Variants in PDZRN4 observed in about 807,000 individuals in gnomAD.
PDZRN4 encodes the protein PDZ domain-containing RING finger protein 4.
In PDZRN4, 70 loss-of-function variants were observed where a neutral mutation model predicts 99.0. The observed-to-expected ratio is 0.71, with a 90% CI of 0.58 to 0.86. PDZRN4 has a LOEUF of 0.86. Ranked by LOEUF, PDZRN4 falls within the 40% of genes least tolerant of loss-of-function variation. PDZRN4 has a pLI of 0.00. For synonymous variants in PDZRN4, 551 were observed against 501.6 expected (o/e 1.10, Z -1.32); for missense variants, 1,474 against 1,331.2 (o/e 1.11, Z -1.67).
At chr12:41,469,798 C>T (rs1014108516) in intron 3 of PDZRN4, among the ~76,000 whole-genome samples, 60 of 151,994 alleles carry the variant, frequency 3.9e-4, no homozygotes, top group Admixed American at 3.7e-3. Flanking sequence ...GGCGTGGTGG[C>T]GGGCACCTGT....
intron 3 of PDZRN4, among the ~76,000 whole-genome samples, chr12:41,246,987 G>A (rs1951137584): frequency 6.6e-6 from 1 of 151,878 alleles, no homozygotes; most frequent in African/African-American, 2.4e-5. Context: ...GAATTTCTAT[G>A]TCATTCATCC....
At position 41,573,850 on chromosome 12, in the gene PDZRN4, C is replaced by G; in HGVS notation, c.3071C>G (p.Thr1024Arg). ...MTHGAKSPDG[T>R]RVHNAFLSVT... is the part of the protein sequence containing the mutation. The stretch of plus-strand genomic sequence containing the variant: ...CATGGGGCCAAGTCTCCAGATGGCA[C>G]GAGAGTCCATAATGCCTTCTTGTCG... The change falls in exon 10 of 10, where the codon ACG (threonine) becomes AGG (arginine). Residue 1024 changes from threonine (T) to arginine (R), a missense_variant. Coordinates refer to ENST00000402685, the MANE Select transcript of PDZRN4 (RefSeq NM_001164595.2). 1 of 1,593,638 alleles carries G rather than the reference C, an allele frequency of 6.3e-7. No individual in the cohort carries two copies. The highest frequency in any genetic ancestry group is 8.5e-7 in the Non-Finnish European group (1 of 1,171,902).
At chr12:41,410,152 C>T (rs1386467006) in intron 3 of PDZRN4, among the ~76,000 whole-genome samples, 3 of 152,108 alleles carry the variant, frequency 2.0e-5, no homozygotes, top group Non-Finnish European at 4.4e-5. Context: ...GAAAATGAAA[C>T]ATTTTAAAAA....
chr12:41,408,773 T>C (rs1299354356), intron 3 of PDZRN4, among the ~76,000 whole-genome samples: 1 of 151,782 alleles, frequency 6.6e-6, no homozygotes, highest in African/African-American at 2.4e-5. Context: ...TCTCTCTCTC[T>C]CTCTCTGTCT....
intron 3 of PDZRN4, among the ~76,000 whole-genome samples, chr12:41,336,213 G>A (rs1386417855): frequency 6.6e-6 from 1 of 152,052 alleles, no homozygotes; most frequent in Non-Finnish European, 1.5e-5. Flanking sequence ...ATTCATCCTG[G>A]CATATGTGAT....
chr12:41,537,454 T>C (rs1296354655), intron 5 of PDZRN4, among the ~76,000 whole-genome samples: 2 of 152,136 alleles, frequency 1.3e-5, no homozygotes, highest in Non-Finnish European at 2.9e-5. Flanking sequence ...CATACATTTT[T>C]TGTGAGGAGG....
rs564484729 is a variant in PDZRN4, at chr12:41,334,217, A to G, written c.843+140029A>G. Among the ~76,000 whole-genome samples, 17 of 152,184 alleles carry G rather than the reference A, an allele frequency of 1.1e-4. No homozygotes were observed. In the South Asian group the frequency reaches 2.9e-3, roughly 26 times the overall value. ...CTCACACCAGTCTGAGTCCCTCAGA[A>G]CAGAATTTTTCACAGACCTTCTTGC... On this transcript the variant is annotated intron_variant, in intron 3 of 9. Coordinates refer to ENST00000402685, the MANE Select transcript of PDZRN4 (RefSeq NM_001164595.2).
chr12:41,430,443 C>T (rs4768354), intron 3 of PDZRN4, among the ~76,000 whole-genome samples: 83,513 of 150,344 alleles, frequency 0.56, 24,601 homozygotes, highest in African/African-American at 0.78. Context: ...CACTCCAGCC[C>T]GGTGACAGAG....
intron 3 of PDZRN4, among the ~76,000 whole-genome samples, chr12:41,287,291 G>T (rs760752114): frequency 6.6e-6 from 1 of 152,160 alleles, no homozygotes; most frequent in Non-Finnish European, 1.5e-5. Flanking sequence ...CATGAGCTCA[G>T]ATTTCTAACT....
At chr12:41,502,072 T>C (rs540840672) in intron 3 of PDZRN4, among the ~76,000 whole-genome samples, 1 of 152,276 alleles carries the variant, frequency 6.6e-6, no homozygotes, top group African/African-American at 2.4e-5. Context: ...CCTTTCTTCT[T>C]TTTTTGCTGT....
intron 3 of PDZRN4, among the ~76,000 whole-genome samples, chr12:41,348,006 A>G (rs936365378): frequency 6.6e-5 from 10 of 152,180 alleles, no homozygotes; most frequent in African/African-American, 2.4e-4. Context: ...CTAAGATGTA[A>G]AGTAAAATAT....
chr12:41,537,196 G>A (rs1385175508), intron 5 of PDZRN4, among the ~76,000 whole-genome samples: 1 of 152,178 alleles, frequency 6.6e-6, no homozygotes, highest in South Asian at 2.1e-4. Context: ...AGATAGAGAT[G>A]CAGAGATCTC....
At chr12:41,379,019 T>C (rs1213273883) in intron 3 of PDZRN4, among the ~76,000 whole-genome samples, 4 of 152,202 alleles carry the variant, frequency 2.6e-5, no homozygotes, top group Non-Finnish European at 5.9e-5. Flanking sequence ...TTTTCTTTCT[T>C]GGGAGGCTGT....
intron 3 of PDZRN4, among the ~76,000 whole-genome samples, chr12:41,381,418 CT>C (rs985653319): frequency 1.3e-5 from 2 of 151,590 alleles, no homozygotes; most frequent in Non-Finnish European, 2.9e-5. Flanking sequence ...TCACTCACTT[CT>C]TTTTGTTATT....
rs763758639 is a variant in PDZRN4, at chr12:41,509,861, A to G, written c.1151A>G (p.Tyr384Cys). ...MEHEFYEDNEYISSLPADADR... is the reference protein window; with the variant it reads ...MEHEFYEDNECISSLPADADR... ...CATGAATTTTATGAGGACAATGAGT[A>G]TATTTCCAGCTTGCCTGCTGATGCA... Residue 384 changes from tyrosine to cysteine, a missense_variant, in exon 5 of 10, where the codon TAT becomes TGT. By Grantham distance (194) the Tyr-to-Cys change is radical. Coordinates refer to ENST00000402685, the MANE Select transcript of PDZRN4 (RefSeq NM_001164595.2). 25 of 1,604,560 alleles carry G rather than the reference A, an allele frequency of 1.6e-5. No homozygotes were observed. Among genetic ancestry groups the G allele is most frequent in the Middle Eastern group, 1.7e-4 (1 of 6,030 alleles).
chr12:41,374,359 G>T (rs1247674657), intron 3 of PDZRN4, among the ~76,000 whole-genome samples: 6 of 152,130 alleles, frequency 3.9e-5, no homozygotes, highest in Non-Finnish European at 7.4e-5. Context: ...GGGCAATGCA[G>T]TCAGCAGGGA....
chr12:41,343,560 GTGTT>G (rs1471180404), intron 3 of PDZRN4, among the ~76,000 whole-genome samples: 1 of 151,672 alleles, frequency 6.6e-6, no homozygotes, highest in Non-Finnish European at 1.5e-5. Flanking sequence ...GAATAAAGCA[GTGTT>G]TACCAGAGAC....
chr12:41,486,492 G>T (rs1937776693), intron 3 of PDZRN4, among the ~76,000 whole-genome samples: 1 of 152,116 alleles, frequency 6.6e-6, no homozygotes, highest in Admixed American at 6.6e-5. Flanking sequence ...TCTATATAAT[G>T]CATCATGCTG....
At chr12:41,437,963 A>G in intron 3 of PDZRN4, 2 of 1,614,086 alleles carry the variant, frequency 1.2e-6, no homozygotes, top group Non-Finnish European at 1.7e-6. Context: ...CAATTTGTGC[A>G]CTTTTCAGAA....
Sources: allele counts gnomAD v4.1 joint callset (sites outside exome capture counted in the v4.1 genomes callset), GRCh38; gene constraint gnomAD v4.1.1; transcripts MANE v1.5; gene names NCBI Gene and HGNC (gene_info 2026-07-23, HGNC 2026-07-21).